MEI1: variants seen among roughly 807,000 people sequenced by gnomAD.
MEI1 encodes the protein meiosis inhibitor protein 1.
In MEI1, 103 loss-of-function variants were observed where a neutral mutation model predicts 146.2. The observed-to-expected ratio is 0.70, with a 90% CI of 0.60 to 0.83. The LOEUF is 0.83. Ranked by LOEUF, MEI1 falls within the 40% of genes least tolerant of loss-of-function variation. The pLI, the probability that MEI1 is intolerant of heterozygous loss-of-function variation, is 0.00. For missense variants in MEI1, 1,529 were observed against 1,533.0 expected, an observed-to-expected ratio of 1.00 and a Z score of 0.04; for synonymous variants, 652 against 628.2, an observed-to-expected ratio of 1.04 and a Z score of -0.57.
chr22:41,762,709 C>A lies in MEI1; in HGVS notation c.2121-465C>A, dbSNP rs568610433. Among the ~76,000 whole-genome samples, 4 of 152,130 alleles carry A rather than the reference C, an allele frequency of 2.6e-5. No homozygotes were observed. In the East Asian group the frequency reaches 7.7e-4, roughly 29 times the overall value. ...GCCGTTTTCACTTTCTTAGTGGTAT[C>A]TTTTAAGCACAAATGTTTTTAATTT... On this transcript the variant is annotated intron_variant, in intron 18 of 30. Transcript: ENST00000401548.
chr22:41,706,258 A>G (rs886514619), intron 3 of MEI1, among the ~76,000 whole-genome samples: 21 of 151,684 alleles, frequency 1.4e-4, no homozygotes, highest in African/African-American at 3.4e-4. Context: ...TTCTCAAGCA[A>G]TCCTCCTGCT....
chr22:41,748,544 T>C (rs916210188), intron 15 of MEI1, among the ~76,000 whole-genome samples: 1 of 152,144 alleles, frequency 6.6e-6, no homozygotes, highest in South Asian at 2.1e-4. Flanking sequence ...AAAAATTAGC[T>C]GAGAGTTTTC....
chr22:41,743,404 G>A lies in MEI1; in HGVS notation c.1446+210G>A, dbSNP rs575187344. ...TTACAGATGGGGAAACTAAAGCCAC[G>A]AGGGTTAAATAATTTTTCTCTAAGG... On this transcript the variant is annotated intron_variant, in intron 12 of 30. Transcript: ENST00000401548. Among the ~76,000 whole-genome samples, 270 of 152,114 alleles carry A rather than the reference G, an allele frequency of 1.8e-3. 1 individual carries two copies. The highest frequency in any genetic ancestry group is 3.4e-3 in the Middle Eastern group (1 of 294).
chr22:41,746,127 C>A, intron 14 of MEI1, 101 bp downstream of exon 14: 1 of 1,161,808 alleles, frequency 8.6e-7, no homozygotes, highest in Non-Finnish European at 1.2e-6. Context: ...CTCAAAGGAA[C>A]TCTCTGGGGG....
At chr22:41,729,405 A>G (rs1019340085) in intron 7 of MEI1, among the ~76,000 whole-genome samples, 3 of 152,196 alleles carry the variant, frequency 2.0e-5, no homozygotes, top group African/African-American at 4.8e-5. Context: ...CTTATTGGTG[A>G]TAACAGTTAC....
intron 3 of MEI1, among the ~76,000 whole-genome samples, 154 bp downstream of exon 3, chr22:41,705,708 CTTT>C (rs10568131): frequency 1.6e-3 from 223 of 137,006 alleles, no homozygotes; most frequent in African/African-American, 5.8e-3. Flanking sequence ...TTGTTTTTTA[CTTT>C]TTTTTTTTTT....
intron 20 of MEI1, among the ~76,000 whole-genome samples, chr22:41,772,793 C>T (rs1479875407): frequency 6.6e-6 from 1 of 152,176 alleles, no homozygotes; most frequent in Non-Finnish European, 1.5e-5. Flanking sequence ...CTCATTCACA[C>T]CCATGGCTTT....
chr22:41,752,548 T>G (rs2147861117), intron 15 of MEI1, 43 bp from the exon 16 acceptor site: 1 of 1,536,768 alleles, frequency 6.5e-7, no homozygotes, highest in East Asian at 2.4e-5. Flanking sequence ...CTGTGACAAG[T>G]CTGGTTTAAA....
At chr22:41,794,537 G>C in intron 28 of MEI1, 60 bp downstream of exon 28, 1 of 1,393,660 alleles carries the variant, frequency 7.2e-7, no homozygotes, top group East Asian at 2.3e-5. Context: ...TGGTGCTGAA[G>C]AGGCCAGGGT....
chr22:41,713,938 C>A (rs984815490), intron 3 of MEI1, 64 bp from the exon 4 acceptor site: 5 of 1,327,126 alleles, frequency 3.8e-6, no homozygotes, highest in Non-Finnish European at 4.2e-6. Context: ...AGTAGAAGGG[C>A]CATGGAAGGT....
intron 18 of MEI1, 44 bp downstream of exon 18, chr22:41,758,577 TTCA>T (rs1569266176): frequency 6.4e-7 from 1 of 1,569,234 alleles, no homozygotes; most frequent in South Asian, 1.1e-5. Context: ...TCTTGGGACC[TTCA>T]TCAGCAGTTC....
chr22:41,705,579 A>T (rs770312110), intron 3 of MEI1, 25 bp downstream of exon 3: 14 of 1,601,066 alleles, frequency 8.7e-6, no homozygotes, highest in Non-Finnish European at 1.1e-5. Flanking sequence ...TGTATCTAGC[A>T]CTTGAAGATG....
chr22:41,761,035 G>T (rs1380631962), intron 18 of MEI1, among the ~76,000 whole-genome samples: 1 of 152,110 alleles, frequency 6.6e-6, no homozygotes, highest in African/African-American at 2.4e-5. Context: ...TTCCCTCACG[G>T]GTGCGGTGGC....
At chr22:41,761,523 C>T (rs935032619) in intron 18 of MEI1, among the ~76,000 whole-genome samples, 1 of 151,944 alleles carries the variant, frequency 6.6e-6, no homozygotes, top group Non-Finnish European at 1.5e-5. Context: ...ACTGTGTTAG[C>T]CAGGATGGTC....
In MEI1 at chr22:41,748,214, G is replaced by A; in HGVS notation, c.1788G>A (p.Lys596=). Reference sequence around the variant, plus strand: ...ACATGAAGGAGAAGTTTTCCAAGAAGCTTGGTAGGCAGCAGGCAAATGTGG... The same window carrying A: ...ACATGAAGGAGAAGTTTTCCAAGAAACTTGGTAGGCAGCAGGCAAATGTGG... ...VPHMKEKFSK[K]LASSSFIRLT... is the part of the protein sequence containing the mutation. The change falls in exon 15 of 31, where the codon AAG becomes AAA. Residue 596 remains lysine (K), a synonymous_variant. Coordinates refer to ENST00000401548, the MANE Select transcript of MEI1 (RefSeq NM_152513.4). 2 of 1,608,226 alleles carry A rather than the reference G, an allele frequency of 1.2e-6. No individual in the cohort carries two copies. The highest frequency in any genetic ancestry group is 8.5e-7 in the Non-Finnish European group (1 of 1,174,698).
chr22:41,736,051 C>T (rs149536288), intron 11 of MEI1, among the ~76,000 whole-genome samples: 58 of 152,216 alleles, frequency 3.8e-4, no homozygotes, highest in Non-Finnish European at 7.5e-4. Context: ...AAGGTGTCAG[C>T]AGGGCCACAC....
At chr22:41,700,202 G>A (rs1362900032) in intron 1 of MEI1, among the ~76,000 whole-genome samples, 9 of 152,338 alleles carry the variant, frequency 5.9e-5, no homozygotes, top group Non-Finnish European at 1.3e-4. Context: ...GGGCAGTCTG[G>A]GCTCCGAGGG....
At chr22:41,732,800 G>A (rs969067958) in intron 11 of MEI1, among the ~76,000 whole-genome samples, 197 bp downstream of exon 11, 8 of 140,380 alleles carry the variant, frequency 5.7e-5, no homozygotes, top group African/African-American at 2.2e-4. Flanking sequence ...TTTTTTTGGA[G>A]ATGGAGTTTT....
intron 27 of MEI1, 86 bp from the exon 28 acceptor site, chr22:41,794,285 C>G: frequency 8.4e-7 from 1 of 1,192,868 alleles, no homozygotes; most frequent in South Asian, 1.3e-5. Flanking sequence ...TGGGTAGCCC[C>G]TTTTTAAGCC....
Sources: allele counts gnomAD v4.1 joint callset (sites outside exome capture counted in the v4.1 genomes callset), GRCh38; gene constraint gnomAD v4.1.1; transcripts MANE v1.5; gene names NCBI Gene and HGNC (gene_info 2026-07-23, HGNC 2026-07-21).